The following RAB11FIP3 variants were observed in gnomAD, a reference collection of about 807,000 sequenced individuals.
The protein encoded by RAB11FIP3 is RAB11 family interacting protein 3.
Under a neutral mutation model 77.8 loss-of-function variants are expected in RAB11FIP3, and 17 were observed. The observed-to-expected ratio is 0.22, with a 90% CI of 0.15 to 0.33. The LOEUF is 0.33. RAB11FIP3 is among the 10% of genes least tolerant of loss of function. RAB11FIP3 has a pLI of 1.00. For missense variants in RAB11FIP3, 1,005 were observed against 1,011.2 expected (o/e 0.99, Z 0.08); for synonymous variants, 437 against 448.2 (o/e 0.98, Z 0.31).
At chr16:428,058 G>A (rs1448264150) in intron 1 of RAB11FIP3, among the ~76,000 whole-genome samples, 1 of 150,724 alleles carries the variant, frequency 6.6e-6, no homozygotes, top group African/African-American at 2.5e-5. Flanking sequence ...CGGAGATCGC[G>A]CCACTGCACT....
In RAB11FIP3 at chr16:492,358, G is replaced by GCCCCTCCC. The variant is rs1567391717; in HGVS notation, c.1265+3358_1265+3359insCCCCTCCC. Among the ~76,000 whole-genome samples the GCCCCTCCC allele has an allele frequency of 1.5e-4, 14 of 90,956 alleles. No individual in the cohort carries two copies. The East Asian group carries it at 4.1e-3, about 27-fold the overall frequency. The allele number at this position is 90,956 out of a possible 152,430, so 59.7% of individuals were successfully genotyped here. On this transcript the variant is annotated intron_variant, in intron 5 of 13. Transcript: ENST00000262305. Reference sequence around the variant, plus strand: ...GAAAGCAGAAGTGCTCTTTGAAGAGGGTCTTCCCGGGAGACCCGAGGCCGC... The same window carrying GCCCCTCCC: ...GAAAGCAGAAGTGCTCTTTGAAGAGGCCCCTCCCGTCTTCCCGGGAGACCCGAGGCCGC...
chr16:464,770 G>A (rs1179683806), intron 2 of RAB11FIP3, among the ~76,000 whole-genome samples: 9 of 152,176 alleles, frequency 5.9e-5, no homozygotes, highest in African/African-American at 1.9e-4. Flanking sequence ...GCGTATGCCT[G>A]TAGTCCCAGC....
In RAB11FIP3 at chr16:472,368, C is replaced by T. The variant is rs552647761; in HGVS notation, c.903+979C>T. ...TGGGCTGCAGCTTCTGGGGCCAGGG[C>T]GCCCACCGTGGGTCCCATGTTTGGC... is the stretch of plus-strand genomic sequence containing the variant. On this transcript the variant is annotated intron_variant, in intron 3 of 13. Coordinates refer to ENST00000262305, the MANE Select transcript of RAB11FIP3 (RefSeq NM_014700.4). This position sits in a 1 kb window ranked among gnomAD's most constrained non-coding sequence, Gnocchi z 4.1. Among the ~76,000 whole-genome samples the T allele has an allele frequency of 1.1e-4, 17 of 152,342 alleles. No homozygotes were observed. The highest frequency in any genetic ancestry group is 3.4e-4 in the African/African-American group (14 of 41,568).
At position 435,390 on chromosome 16, in the gene RAB11FIP3, A is replaced by G. The variant is rs147708008; in HGVS notation, c.714+8670A>G. On this transcript the variant is annotated intron_variant, in intron 1 of 13. Transcript: ENST00000262305. ...AACATTCAATGTAAACATTAGTTATATCAGACAAAAGGATTAGGCATCCAC... is the reference window on the plus strand; with the variant it reads ...AACATTCAATGTAAACATTAGTTATGTCAGACAAAAGGATTAGGCATCCAC... 7.3e-3 allele frequency among the ~76,000 whole-genome samples: 1,105 copies of G among 152,256 alleles called. 20 individuals are homozygous for G. The highest frequency in any genetic ancestry group is 0.025 in the African/African-American group (1,056 of 41,522).
intron 3 of RAB11FIP3, chr16:475,090 C>G (rs1596246732): frequency 6.4e-7 from 1 of 1,551,350 alleles, no homozygotes; most frequent in South Asian, 1.2e-5. Context: ...CCCGGGCCAG[C>G]ATCTGAGGGT....
At chr16:470,321 T>C (rs1411273649) in intron 2 of RAB11FIP3, among the ~76,000 whole-genome samples, 1 of 151,990 alleles carries the variant, frequency 6.6e-6, no homozygotes. Context: ...TTTGTGGAGA[T>C]GGGGTTTCAC....
In RAB11FIP3 at chr16:472,248, G is replaced by A. The variant is rs1346663949; in HGVS notation, c.903+859G>A. 1.3e-5 allele frequency among the ~76,000 whole-genome samples: 2 copies of A among 152,230 alleles called. No homozygotes were observed. The highest frequency in any genetic ancestry group is 2.4e-5 in the African/African-American group (1 of 41,472). On this transcript the variant is annotated intron_variant, in intron 3 of 13. Coordinates refer to ENST00000262305, the MANE Select transcript of RAB11FIP3 (RefSeq NM_014700.4). This position sits in a 1 kb window ranked among gnomAD's most constrained non-coding sequence, Gnocchi z 4.1. Reference sequence around the variant, plus strand: ...CCCTGTTCCGAGAAGCTGCCCCAGGGATTAGTCACCCTCACCCTTGGGTGG... The same window carrying A: ...CCCTGTTCCGAGAAGCTGCCCCAGGAATTAGTCACCCTCACCCTTGGGTGG...
At chr16:474,355 T>G (rs2055862189) in intron 3 of RAB11FIP3, among the ~76,000 whole-genome samples, 1 of 152,178 alleles carries the variant, frequency 6.6e-6, no homozygotes, top group Admixed American at 6.5e-5. Flanking sequence ...ATGGCCGAGC[T>G]AGTGGGTCTG....
At chr16:474,962 A>G (rs1596246513) in intron 3 of RAB11FIP3, 3 of 1,310,048 alleles carry the variant, frequency 2.3e-6, no homozygotes, top group Non-Finnish European at 3.1e-6. Flanking sequence ...GGAAGGTGAC[A>G]TTGTTGTTTG....
chr16:469,715 G>T (rs2055776404), intron 2 of RAB11FIP3, among the ~76,000 whole-genome samples: 2 of 152,166 alleles, frequency 1.3e-5, no homozygotes, highest in Non-Finnish European at 2.9e-5. Flanking sequence ...GTAGACATAG[G>T]ATCTTTGCTA....
At chr16:431,444 A>G (rs2055034096) in intron 1 of RAB11FIP3, among the ~76,000 whole-genome samples, 1 of 151,934 alleles carries the variant, frequency 6.6e-6, no homozygotes, top group South Asian at 2.1e-4. Context: ...CAGTGGCACA[A>G]TCTCAGTTCA....
Position 492,348 on chromosome 16 carries a change from C to T in RAB11FIP3, c.1265+3348C>T, listed in dbSNP as rs1347956502. On this transcript the variant is annotated intron_variant, in intron 5 of 13. Coordinates refer to ENST00000262305, the MANE Select transcript of RAB11FIP3 (RefSeq NM_014700.4). Reference sequence around the variant, plus strand: ...GCACTGGTGAGAAAGCAGAAGTGCTCTTTGAAGAGGGTCTTCCCGGGAGAC... The same window carrying T: ...GCACTGGTGAGAAAGCAGAAGTGCTTTTTGAAGAGGGTCTTCCCGGGAGAC... Among the ~76,000 whole-genome samples the T allele has an allele frequency of 6.4e-5, 4 of 62,120 alleles. No individual in the cohort carries two copies. The Admixed American group carries it at 7.8e-4, about 12-fold the overall frequency. The allele number at this position is 62,120 out of a possible 152,430, so 40.8% of individuals were successfully genotyped here.
intron 3 of RAB11FIP3, among the ~76,000 whole-genome samples, chr16:473,747 T>C (rs117008276): frequency 0.023 from 3,492 of 152,232 alleles, 51 homozygotes; most frequent in Non-Finnish European, 0.032. Context: ...GCCTGATATG[T>C]TAGTATTAGC....
rs1291397934 is a variant in RAB11FIP3 at position 471,061 on chromosome 16, T to G, written c.809-234T>G. On this transcript the variant is annotated intron_variant, in intron 2 of 13. Coordinates refer to ENST00000262305, the MANE Select transcript of RAB11FIP3 (RefSeq NM_014700.4). This position sits in a 1 kb window ranked among gnomAD's most constrained non-coding sequence, Gnocchi z 4.4. ...CCTCTGCATCTCCTCCTCAGAATTC[T>G]CTCCAGAAGCCTTGTTCCTGTGGGC... 6.6e-6 allele frequency among the ~76,000 whole-genome samples: 1 copy of G among 151,988 alleles called. No individual in the cohort carries two copies. The highest frequency in any genetic ancestry group is 1.5e-5 in the Non-Finnish European group (1 of 67,960).
intron 3 of RAB11FIP3, chr16:475,021 C>T (rs1302093227): frequency 1.3e-6 from 2 of 1,551,754 alleles, no homozygotes; most frequent in East Asian, 2.4e-5. Context: ...GGGAGCCGGT[C>T]TCCAACAGCA....
intron 3 of RAB11FIP3, among the ~76,000 whole-genome samples, chr16:476,075 C>T (rs867119274): frequency 2.0e-4 from 31 of 152,158 alleles, no homozygotes; most frequent in African/African-American, 6.5e-4. Context: ...AGGCTGGTCT[C>T]GAACTCCTGG....
At chr16:463,294 C>T (rs756126394) in intron 2 of RAB11FIP3, among the ~76,000 whole-genome samples, 8 of 152,070 alleles carry the variant, frequency 5.3e-5, no homozygotes, top group Non-Finnish European at 7.4e-5. Context: ...GTGAGGGAGA[C>T]GGATGCCCTT....
At chr16:465,280 G>C (rs1022141224) in intron 2 of RAB11FIP3, among the ~76,000 whole-genome samples, 4 of 152,168 alleles carry the variant, frequency 2.6e-5, no homozygotes, top group Non-Finnish European at 5.9e-5. Context: ...AGAGGCCTCA[G>C]TGTTTGGGGC....
In RAB11FIP3 at chr16:461,299, C is replaced by T. The variant is rs552341019; in HGVS notation, c.715-105C>T. 21 of 788,666 alleles carry T rather than the reference C, an allele frequency of 2.7e-5. No homozygotes were observed. Among genetic ancestry groups the T allele is most frequent in the South Asian group, 7.5e-5 (4 of 53,652 alleles). 48.9% of individuals were successfully genotyped at this position (788,666 alleles called of 1,614,324 possible). On this transcript the variant is annotated intron_variant, in intron 1 of 13. Transcript: ENST00000262305. This position sits in a 1 kb window ranked among gnomAD's most constrained non-coding sequence, Gnocchi z 4.5. ...TCCCTCACCTCCTGCTGTGCTTCCC[C>T]GTTCCCAGCAGGCCACACACCAGAT... is the stretch of plus-strand genomic sequence containing the variant.
Sources: gnomAD v4.1 joint callset for allele counts (sites outside exome capture counted in the v4.1 genomes callset) on GRCh38, gnomAD v4.1.1 for gene constraint, Gnocchi (gnomAD v3.1) non-coding constraint, MANE v1.5 for transcripts, NCBI Gene and HGNC (gene_info 2026-07-23, HGNC 2026-07-21) for gene names.